ATP8A2: variants seen among roughly 807,000 people sequenced by gnomAD.
ATP8A2 encodes ATPase phospholipid transporting 8A2.
A neutral mutation model predicts 165.6 loss-of-function variants in ATP8A2; 100 were observed. The ratio of observed to expected loss-of-function variants is 0.60; its 90% CI spans 0.51 to 0.71. The LOEUF is 0.71. ATP8A2 is among the 30% of genes least tolerant of loss of function. ATP8A2 has a pLI of 0.00. For missense variants in ATP8A2, 1,227 were observed against 1,479.5 expected (o/e 0.83, Z 2.80); for synonymous variants, 543 against 548.8 (o/e 0.99, Z 0.15).
At chr13:25,460,459 C>T (rs998193883) in intron 1 of ATP8A2, among the ~76,000 whole-genome samples, 6 of 152,190 alleles carry the variant, frequency 3.9e-5, no homozygotes, top group African/African-American at 1.4e-4. Context: ...TAAAACTCAA[C>T]CAATCCAACC....
chr13:25,462,174 G>A lies in ATP8A2; in HGVS notation c.77-6803G>A, dbSNP rs186266006. 2.7e-3 allele frequency among the ~76,000 whole-genome samples: 416 copies of A among 152,248 alleles called. 2 individuals are homozygous for A. Among genetic ancestry groups the A allele is most frequent in the African/African-American group, 8.6e-3 (356 of 41,544 alleles). ...GTAAGGTTTCCCTTTTGGCTCTATCGTTCTAGAGTTCACAGAGAAATGTGT... is the reference window on the plus strand; with the variant it reads ...GTAAGGTTTCCCTTTTGGCTCTATCATTCTAGAGTTCACAGAGAAATGTGT... On this transcript the variant is annotated intron_variant, in intron 1 of 36. Transcript: ENST00000381655.
At chr13:25,495,535 T>C (rs545594064) in intron 2 of ATP8A2, among the ~76,000 whole-genome samples, 1 of 152,000 alleles carries the variant, frequency 6.6e-6, no homozygotes, top group African/African-American at 2.4e-5. Context: ...TCGTAGCTCA[T>C]TGCAGGCTCC....
chr13:25,389,796 GA>G (rs2033179757), intron 1 of ATP8A2, among the ~76,000 whole-genome samples: 1 of 152,166 alleles, frequency 6.6e-6, no homozygotes, highest in African/African-American at 2.4e-5. Flanking sequence ...TGGCTGGGGA[GA>G]GAAGACCTGG....
chr13:25,495,500 C>T (rs2137665871), intron 2 of ATP8A2, among the ~76,000 whole-genome samples: 1 of 152,176 alleles, frequency 6.6e-6, no homozygotes, highest in East Asian at 1.9e-4. Context: ...TGCTCTGTTA[C>T]CCAGGCTGGA....
chr13:25,774,997 C>A lies in ATP8A2; in HGVS notation c.2679+38C>A. ...ATTTTTTTTCCTTGAAGAGAAAGTTCTTTTAAGAGGATATCTTGAGGTATT... is the reference window on the plus strand; with the variant it reads ...ATTTTTTTTCCTTGAAGAGAAAGTTATTTTAAGAGGATATCTTGAGGTATT... On this transcript the variant is annotated intron_variant, in intron 27 of 36. Coordinates refer to ENST00000381655, the MANE Select transcript of ATP8A2 (RefSeq NM_016529.6). 4 of 1,176,464 alleles carry A rather than the reference C, an allele frequency of 3.4e-6. No homozygotes were observed. The South Asian group carries it at 5.2e-5, about 15-fold the overall frequency. 72.9% of individuals were successfully genotyped at this position (1,176,464 alleles called of 1,614,324 possible).
chr13:25,446,691 A>G (rs533116848), intron 1 of ATP8A2, among the ~76,000 whole-genome samples: 11 of 152,362 alleles, frequency 7.2e-5, no homozygotes, highest in African/African-American at 1.4e-4. Flanking sequence ...TGTGAGAAGA[A>G]CATTACAAAT....
chr13:25,626,211 T>G (rs1196468331), intron 24 of ATP8A2, among the ~76,000 whole-genome samples: 3 of 152,198 alleles, frequency 2.0e-5, no homozygotes, highest in Non-Finnish European at 4.4e-5. Flanking sequence ...CAATTTTCTG[T>G]TGCTATAACA....
intron 1 of ATP8A2, among the ~76,000 whole-genome samples, chr13:25,398,250 T>TAC (rs1200870885): frequency 6.6e-6 from 1 of 152,222 alleles, no homozygotes; most frequent in Admixed American, 6.5e-5. Flanking sequence ...CATGTGATGC[T>TAC]ACACCAGAGC....
At chr13:25,662,474 A>G (rs1593158410) in intron 24 of ATP8A2, among the ~76,000 whole-genome samples, 2 of 152,138 alleles carry the variant, frequency 1.3e-5, no homozygotes. Flanking sequence ...TACCTAGCGA[A>G]TATTTTTTTT....
chr13:25,686,857 G>T (rs1450762083), intron 24 of ATP8A2, among the ~76,000 whole-genome samples: 1 of 151,880 alleles, frequency 6.6e-6, no homozygotes. Context: ...TTCATCCACG[G>T]CTCTTAACAG....
rs561667398 is a variant in ATP8A2, at chr13:25,920,752, AT to A, written c.3184-40819del. ...TCCTAAATACTGTCAACATTTCTTT[AT>A]TTTGCTTTTACTTATTTATGATCTG... On this transcript the variant is annotated intron_variant, in intron 33 of 36. Coordinates refer to ENST00000381655, the MANE Select transcript of ATP8A2 (RefSeq NM_016529.6). Among the ~76,000 whole-genome samples, 55 of 152,064 alleles carry A rather than the reference AT, an allele frequency of 3.6e-4. No homozygotes were observed. In the South Asian group the frequency reaches 0.011, roughly 32 times the overall value.
chr13:25,765,267 A>G lies in ATP8A2; in HGVS notation c.2385-3779A>G, dbSNP rs558847972. ...TGGTTTATATTTCTATTCATAATACACCAAAATAGGATTAAAGAAGTGCCC... is the reference window on the plus strand; with the variant it reads ...TGGTTTATATTTCTATTCATAATACGCCAAAATAGGATTAAAGAAGTGCCC... On this transcript the variant is annotated intron_variant, in intron 25 of 36. Coordinates refer to ENST00000381655, the MANE Select transcript of ATP8A2 (RefSeq NM_016529.6). Among the ~76,000 whole-genome samples the G allele has an allele frequency of 3.9e-5, 6 of 152,344 alleles. No individual in the cohort carries two copies. In the East Asian group the frequency reaches 1.2e-3, roughly 29 times the overall value.
chr13:25,767,038 G>A (rs193002495), intron 25 of ATP8A2, among the ~76,000 whole-genome samples: 39 of 152,288 alleles, frequency 2.6e-4, no homozygotes, highest in African/African-American at 9.1e-4. Flanking sequence ...ACAGGAAAAT[G>A]TCATACTCAG....
At chr13:25,399,356 T>C (rs1200086995) in intron 1 of ATP8A2, among the ~76,000 whole-genome samples, 1 of 150,668 alleles carries the variant, frequency 6.6e-6, no homozygotes, top group African/African-American at 2.4e-5. Flanking sequence ...ACTCTGAGAA[T>C]CACTGGTGTA....
At chr13:25,385,869 T>A (rs916087635) in intron 1 of ATP8A2, among the ~76,000 whole-genome samples, 1 of 151,950 alleles carries the variant, frequency 6.6e-6, no homozygotes, top group African/African-American at 2.4e-5. Context: ...TTTTTAAAAT[T>A]TTTGGTAGAG....
intron 33 of ATP8A2, among the ~76,000 whole-genome samples, chr13:25,885,892 G>A (rs2138872578): frequency 6.6e-6 from 1 of 152,198 alleles, no homozygotes; most frequent in African/African-American, 2.4e-5. Flanking sequence ...TTAATAACCA[G>A]GATCCCTAGT....
intron 30 of ATP8A2, among the ~76,000 whole-genome samples, chr13:25,847,785 A>G (rs1951902455): frequency 6.6e-6 from 1 of 152,070 alleles, no homozygotes; most frequent in Non-Finnish European, 1.5e-5. Context: ...GGGCTAGCTA[A>G]TTCCTGAAGT....
intron 23 of ATP8A2, among the ~76,000 whole-genome samples, chr13:25,583,595 A>G (rs1212510381): frequency 6.6e-6 from 1 of 152,142 alleles, no homozygotes; most frequent in African/African-American, 2.4e-5. Context: ...CCCTGGGAGC[A>G]CACGCAGCCC....
chr13:25,372,399 G>A lies in ATP8A2; in HGVS notation c.76+111G>A. 2.7e-6 allele frequency: 2 copies of A among 754,168 alleles called. No homozygotes were observed. Among genetic ancestry groups the A allele is most frequent in the Non-Finnish European group, 3.7e-6 (2 of 542,284 alleles). The allele number at this position is 754,168 out of a possible 1,614,324, so 46.7% of individuals were successfully genotyped here. The stretch of plus-strand genomic sequence containing the variant: ...GCCCGCGCCCCGCTCCCCTCCCTGG[G>A]CTCCCTGGGCTCTCTGGGCTGCAGG... On this transcript the variant is annotated intron_variant, in intron 1 of 36. Coordinates refer to ENST00000381655, the MANE Select transcript of ATP8A2 (RefSeq NM_016529.6). This position sits in a 1 kb window ranked among gnomAD's most constrained non-coding sequence, Gnocchi z 4.8.
Sources: gnomAD v4.1 joint callset for allele counts (sites outside exome capture counted in the v4.1 genomes callset) on GRCh38, gnomAD v4.1.1 for gene constraint, Gnocchi (gnomAD v3.1) non-coding constraint, MANE v1.5 for transcripts, NCBI Gene and HGNC (gene_info 2026-07-23, HGNC 2026-07-21) for gene names.